The following NECTIN3 variants were observed in gnomAD, a reference collection of about 807,000 sequenced individuals.
NECTIN3 encodes nectin cell adhesion molecule 3, also known as nectin-3.
NECTIN3 carries 8 observed loss-of-function variants against 49.4 expected under a neutral mutation model. The observed-to-expected ratio is 0.16, with a 90% CI of 0.10 to 0.29. The LOEUF (loss-of-function observed/expected upper bound fraction) is 0.29. Ranked by LOEUF, NECTIN3 falls within the 10% of genes least tolerant of loss-of-function variation. The pLI, the probability that NECTIN3 is intolerant of heterozygous loss-of-function variation, is 1.00. For missense variants in NECTIN3, 581 were observed against 654.6 expected (o/e 0.89, Z 1.23); for synonymous variants, 277 against 241.1 (o/e 1.15, Z -1.38).
intron 7 of NECTIN3, among the ~76,000 whole-genome samples, chr3:111,162,376 T>A (rs2107520965): frequency 6.6e-6 from 1 of 152,282 alleles, no homozygotes; most frequent in South Asian, 2.1e-4. Flanking sequence ...TTCCCCATGC[T>A]GCTGTTCTTG....
chr3:111,193,345 G>A, intron 1 of NECTIN3: 1 of 1,535,776 alleles, frequency 6.5e-7, no homozygotes, highest in Non-Finnish European at 8.7e-7. Context: ...GACCCTAAGA[G>A]AGTCTACATC....
At chr3:111,138,777 T>C (rs1364982387), downstream of NECTIN3, among the ~76,000 whole-genome samples, 3 of 151,644 alleles carry the variant, frequency 2.0e-5, no homozygotes, top group African/African-American at 7.2e-5. Flanking sequence ...TAAAATGTAA[T>C]CTTCAAAACA....
At chr3:111,096,662 A>G (rs2032602100) in intron 1 of NECTIN3, among the ~76,000 whole-genome samples, 1 of 152,134 alleles carries the variant, frequency 6.6e-6, no homozygotes, top group Admixed American at 6.5e-5. Flanking sequence ...ACTGCGTCCC[A>G]GCCGCTCCAG....
At chr3:111,099,586 A>T (rs1272916956) in intron 1 of NECTIN3, among the ~76,000 whole-genome samples, 6 of 152,198 alleles carry the variant, frequency 3.9e-5, no homozygotes, top group Non-Finnish European at 8.8e-5. Context: ...AATATGTGCT[A>T]TGCATCCTAT....
chr3:111,134,229 T>A lies in NECTIN3; in HGVS notation c.*14T>A. The A allele has an allele frequency of 6.4e-7, 1 of 1,572,792 alleles. No homozygotes were observed. Among genetic ancestry groups the A allele is most frequent in the South Asian group, 1.2e-5 (1 of 81,626 alleles). ...TGGTATGTTTAGCAACCACTGAATGTGACTTAACTATGTACAATGTTCATT... is the reference window on the plus strand; with the variant it reads ...TGGTATGTTTAGCAACCACTGAATGAGACTTAACTATGTACAATGTTCATT... On this transcript the variant is annotated 3_prime_UTR_variant, in exon 6 of 6. Transcript: ENST00000485303.
At chr3:111,089,077 CAAAA>C (rs1406106061) in intron 1 of NECTIN3, among the ~76,000 whole-genome samples, 1 of 151,830 alleles carries the variant, frequency 6.6e-6, no homozygotes. Flanking sequence ...AATCTTTTGA[CAAAA>C]AAATTGTTCA....
Position 111,164,329 on chromosome 3 carries a change from T to C in NECTIN3, c.1221+16845T>C, listed in dbSNP as rs569024230. Among the ~76,000 whole-genome samples the C allele has an allele frequency of 3.3e-5, 5 of 152,324 alleles. No individual in the cohort carries two copies. The South Asian group carries it at 6.2e-4, about 19-fold the overall frequency. ...GGCTTCACGTTGAAGCTGTCTCCCATGTGGAATCTTTCAACTTTATTTCTC... is the reference window on the plus strand; with the variant it reads ...GGCTTCACGTTGAAGCTGTCTCCCACGTGGAATCTTTCAACTTTATTTCTC... On this transcript the variant is annotated intron_variant, in intron 7 of 8. Coordinates refer to the NECTIN3 transcript ENST00000493615.
At chr3:111,107,016 A>G (rs1256815889) in intron 1 of NECTIN3, among the ~76,000 whole-genome samples, 3 of 152,048 alleles carry the variant, frequency 2.0e-5, no homozygotes, top group Non-Finnish European at 2.9e-5. Context: ...TTCTTGGTTC[A>G]TTTCTGAGAG....
intron 1 of NECTIN3, among the ~76,000 whole-genome samples, chr3:111,089,722 C>A (rs1271583676): frequency 6.6e-6 from 1 of 151,884 alleles, no homozygotes; most frequent in Non-Finnish European, 1.5e-5. Flanking sequence ...GAAAAAATTG[C>A]CTTTGTTGGG....
In NECTIN3 at chr3:111,087,233, C is replaced by T. The variant is rs185903954; in HGVS notation, c.160+15056C>T. Reference sequence around the variant, plus strand: ...TTTTCTTTTCCTTTACCTTATTGCACTGGCTAGGACATCCAGTGTGATATT... The same window carrying T: ...TTTTCTTTTCCTTTACCTTATTGCATTGGCTAGGACATCCAGTGTGATATT... On this transcript the variant is annotated intron_variant, in intron 1 of 5. Coordinates refer to ENST00000485303, the MANE Select transcript of NECTIN3 (RefSeq NM_015480.3). 8.9e-4 allele frequency among the ~76,000 whole-genome samples: 136 copies of T among 152,262 alleles called. 2 individuals are homozygous for T. Among genetic ancestry groups the T allele is most frequent in the South Asian group, 4.6e-3 (22 of 4,828 alleles).
intron 7 of NECTIN3, among the ~76,000 whole-genome samples, chr3:111,170,181 G>A (rs1431147062): frequency 2.0e-5 from 3 of 152,200 alleles, no homozygotes; most frequent in Non-Finnish European, 4.4e-5. Flanking sequence ...TATTAGGCAT[G>A]AAGATGAAGA....
rs1425706655 is a variant in NECTIN3 at position 111,131,524 on chromosome 3, C to G, written c.1070-2111C>G. Among the ~76,000 whole-genome samples, 3 of 151,886 alleles carry G rather than the reference C, an allele frequency of 2.0e-5. No homozygotes were observed. In the South Asian group the frequency reaches 6.2e-4, roughly 31 times the overall value. On this transcript the variant is annotated intron_variant, in intron 5 of 5. Transcript: ENST00000485303. ...GCCTCTCTTTCATGGAATGATATTA[C>G]TAGTGAGGCTCAGTTATTTTTAACA...
intron 1 of NECTIN3, among the ~76,000 whole-genome samples, chr3:111,105,837 C>T (rs1487642290): frequency 6.6e-6 from 1 of 152,168 alleles, no homozygotes; most frequent in Non-Finnish European, 1.5e-5. Context: ...TGACTGTTAA[C>T]TTGAAATGGT....
downstream of NECTIN3, among the ~76,000 whole-genome samples, chr3:111,137,856 A>C (rs974222764): frequency 2.7e-5 from 4 of 148,350 alleles, no homozygotes; most frequent in Non-Finnish European, 4.5e-5. Flanking sequence ...TACACAGGTA[A>C]TGTGCCATGG....
upstream of NECTIN3, among the ~76,000 whole-genome samples, chr3:111,189,943 G>A (rs2035784915): frequency 6.6e-6 from 1 of 152,224 alleles, no homozygotes; most frequent in Admixed American, 6.5e-5. Context: ...GAGGGGACAG[G>A]GAGGGGGAGG....
intron 1 of NECTIN3, among the ~76,000 whole-genome samples, chr3:111,092,612 G>A (rs1294985803): frequency 2.8e-5 from 3 of 106,396 alleles, no homozygotes; most frequent in Non-Finnish European, 4.9e-5. Context: ...TAAATGTGAT[G>A]GTTTATCTGG....
chr3:111,077,969 T>G (rs1233367472), intron 1 of NECTIN3, among the ~76,000 whole-genome samples: 1 of 152,206 alleles, frequency 6.6e-6, no homozygotes, highest in Non-Finnish European at 1.5e-5. Flanking sequence ...CTTATTTTAT[T>G]TAACACAATG....
At chr3:111,088,769 T>A (rs947605851) in intron 1 of NECTIN3, among the ~76,000 whole-genome samples, 3 of 152,204 alleles carry the variant, frequency 2.0e-5, no homozygotes, top group African/African-American at 7.2e-5. Flanking sequence ...GTTTATGAAT[T>A]GCATTGGCCC....
chr3:111,116,458 T>A (rs2033693823), intron 2 of NECTIN3, among the ~76,000 whole-genome samples: 1 of 152,108 alleles, frequency 6.6e-6, no homozygotes, highest in African/African-American at 2.4e-5. Flanking sequence ...TTCAACTGAT[T>A]GGAAAGAGCT....
Sources: gnomAD v4.1 joint callset for allele counts (sites outside exome capture counted in the v4.1 genomes callset) on GRCh38, gnomAD v4.1.1 for gene constraint, MANE v1.5 for transcripts, NCBI Gene and HGNC (gene_info 2026-07-23, HGNC 2026-07-21) for gene names.